The following GSTA2 variants were observed in gnomAD, a reference collection of about 807,000 sequenced individuals.
GSTA2 encodes the protein glutathione S-transferase alpha 2.
A neutral mutation model predicts 22.4 loss-of-function variants in GSTA2; 27 were observed. That is an observed-to-expected ratio of 1.21 (90% CI 0.89 to 1.67). The LOEUF is 1.67. Among genes scored for constraint, GSTA2 ranks in the 40% most tolerant of loss-of-function variants. GSTA2 has a pLI of 0.00. For missense variants in GSTA2, 302 were observed against 260.2 expected (o/e 1.16, Z -1.11); for synonymous variants, 121 against 86.8 (o/e 1.39, Z -2.19).
At chr6:52,756,376 G>T in intron 2 of GSTA2, 67 bp from the exon 3 acceptor site, 1 of 1,224,122 alleles carries the variant, frequency 8.2e-7, no homozygotes, top group Non-Finnish European at 1.2e-6. Flanking sequence ...AAATTGAATG[G>T]CCTCTATCTG....
chr6:52,754,859 C>T (rs1454593357), intron 4 of GSTA2, 84 bp downstream of exon 4: 1 of 1,581,062 alleles, frequency 6.3e-7, no homozygotes, highest in Non-Finnish European at 8.6e-7. Flanking sequence ...GGTCTTGATA[C>T]CCTGCCATGG....
intron 4 of GSTA2, among the ~76,000 whole-genome samples, chr6:52,754,564 A>T (rs1762804948): frequency 1.3e-5 from 2 of 152,144 alleles, no homozygotes; most frequent in Admixed American, 1.3e-4. Flanking sequence ...TTCCCTCCCC[A>T]GTCCTTCATC....
At chr6:52,750,827 C>A in intron 6 of GSTA2, 128 bp from the exon 7 acceptor site, 1 of 1,044,050 alleles carries the variant, frequency 9.6e-7, no homozygotes, top group Non-Finnish European at 1.4e-6. Flanking sequence ...TGGGTGAAGG[C>A]AGAAACAGAC....
intron 2 of GSTA2, 76 bp from the exon 3 acceptor site, chr6:52,756,385 T>C (rs1173936030): frequency 8.8e-7 from 1 of 1,136,056 alleles, no homozygotes; most frequent in Admixed American, 1.7e-5. Context: ...GGCCTCTATC[T>C]GGTGCATCAT....
Position 52,756,413 on chromosome 6 carries a change from T to C in GSTA2, c.88-104A>G, listed in dbSNP as rs968086052. The C allele has an allele frequency of 4.1e-6, 4 of 976,790 alleles. No homozygotes were observed. In the African/African-American group the frequency reaches 4.9e-5, roughly 12 times the overall value. The allele number at this position is 976,790 out of a possible 1,614,324, so 60.5% of individuals were successfully genotyped here. A position where few individuals can be genotyped will look rare whatever the true frequency, so the allele number is the denominator to read the frequency against. On this transcript the variant is annotated intron_variant, in intron 2 of 6. Transcript: ENST00000493422. ...TGCATCATTTGGAGAATATAAGATT[T>C]CTGAGTTTGGCAGGGTACACAGAGG...
chr6:52,756,387 G>C (rs1413835512), intron 2 of GSTA2, 78 bp from the exon 3 acceptor site: 2 of 1,128,596 alleles, frequency 1.8e-6, no homozygotes, highest in Non-Finnish European at 2.7e-6. Flanking sequence ...CCTCTATCTG[G>C]TGCATCATTT....
intron 6 of GSTA2, 37 bp from the exon 7 acceptor site, chr6:52,750,736 A>G (rs1335538850): frequency 6.2e-7 from 1 of 1,608,224 alleles, no homozygotes; most frequent in African/African-American, 1.3e-5. Context: ...TAAAACAACA[A>G]GTCAAGGGCT....
Position 52,757,859 on chromosome 6 carries a change from A to T in GSTA2, c.87+2T>A. ...CTTAAGATGACCTAACTCAGAACCT[A>T]CCTCTACTCCAGCTGCAGCCAGGAG... On this transcript the variant is annotated splice_donor_variant, in intron 2 of 6. Coordinates refer to ENST00000493422, the MANE Select transcript of GSTA2 (RefSeq NM_000846.5). LOFTEE classifies it high-confidence loss of function. 6.2e-7 allele frequency: 1 copy of T among 1,611,892 alleles called. No individual in the cohort carries two copies. Among genetic ancestry groups the T allele is most frequent in the Non-Finnish European group, 8.5e-7 (1 of 1,178,096 alleles).
chr6:52,761,822 C>T (rs1345767070), intron 1 of GSTA2, among the ~76,000 whole-genome samples: 1 of 150,460 alleles, frequency 6.6e-6, no homozygotes. Flanking sequence ...AGGTAGAGGG[C>T]AGGGATGTGT....
chr6:52,755,004 T>C lies in GSTA2; in HGVS notation c.211A>G (p.Ile71Val). Residue 71 changes from isoleucine (I) to valine (V), a missense_variant, in exon 4 of 7, where the codon ATT (isoleucine) becomes GTT (valine). Coordinates refer to ENST00000493422, the MANE Select transcript of GSTA2 (RefSeq NM_000846.5). ...DGMKLVQTRAILNYIASKYNL... is the reference protein window; with the variant it reads ...DGMKLVQTRAVLNYIASKYNL... ...TATTTGCTGGCAATGTAGTTGAGAA[T>C]GGCTCTGGTCTGCACCAGCTTCATC... 2 of 1,614,166 alleles carry C rather than the reference T, an allele frequency of 1.2e-6. No individual in the cohort carries two copies. The highest frequency in any genetic ancestry group is 1.7e-6 in the Non-Finnish European group (2 of 1,180,034).
intron 3 of GSTA2, 35 bp from the exon 4 acceptor site, chr6:52,755,110 T>C (rs756722250): frequency 1.9e-6 from 3 of 1,609,620 alleles, no homozygotes; most frequent in Non-Finnish European, 2.5e-6. Context: ...GAGTGAAGTG[T>C]CTATGAAACC....
chr6:52,758,697 A>G (rs1024332488), intron 1 of GSTA2, among the ~76,000 whole-genome samples: 15 of 152,244 alleles, frequency 9.9e-5, no homozygotes, highest in African/African-American at 3.6e-4. Context: ...TTCAAGAGAC[A>G]GAGATTGTTT....
rs114264491 is a variant in GSTA2 at position 52,750,439 on chromosome 6, T to C, written c.*138A>G. Reference sequence around the variant, plus strand: ...TAACTAAGTGGGTGAATAGGAGTTGTATTATTTAATTAGCATATAATTTGA... The same window carrying C: ...TAACTAAGTGGGTGAATAGGAGTTGCATTATTTAATTAGCATATAATTTGA... On this transcript the variant is annotated 3_prime_UTR_variant, in exon 7 of 7. Coordinates refer to ENST00000493422, the MANE Select transcript of GSTA2 (RefSeq NM_000846.5). The C allele has an allele frequency of 1.0e-3, 770 of 747,942 alleles. 8 individuals carry two copies. In the African/African-American group the frequency reaches 0.012, roughly 12 times the overall value. 46.3% of individuals were successfully genotyped at this position (747,942 alleles called of 1,614,324 possible).
chr6:52,756,256 A>C lies in GSTA2; in HGVS notation c.139+2T>G. On this transcript the variant is annotated splice_donor_variant, in intron 3 of 6. Coordinates refer to ENST00000493422, the MANE Select transcript of GSTA2 (RefSeq NM_000846.5). LOFTEE classifies it high-confidence loss of function. The stretch of plus-strand genomic sequence containing the variant: ...TTAGAGAAACTTAGAGGTTGATCTT[A>C]CCATTTCTTAACTTGTCCAAATCTT... 1.9e-6 allele frequency: 3 copies of C among 1,601,684 alleles called. No individual in the cohort carries two copies. The highest frequency in any genetic ancestry group is 2.6e-6 in the Non-Finnish European group (3 of 1,169,090).
chr6:52,751,664 C>G lies in GSTA2; in HGVS notation c.459G>C (p.Leu153=), dbSNP rs1762741587. 1 of 1,614,168 alleles carries G rather than the reference C, an allele frequency of 6.2e-7. No individual in the cohort carries two copies. Among genetic ancestry groups the G allele is most frequent in the Non-Finnish European group, 8.5e-7 (1 of 1,180,018 alleles). The change falls in exon 6 of 7, where the codon CTG becomes CTC. Residue 153 remains leucine (L), a synonymous_variant. Transcript: ENST00000493422. ...CCACCAGGTGAATGTCAGCCCGGCTCAGCTTGTTGCCAACAAGGTAGTCTT... is the reference window on the plus strand; with the variant it reads ...CCACCAGGTGAATGTCAGCCCGGCTGAGCTTGTTGCCAACAAGGTAGTCTT... ...HGQDYLVGNK[L]SRADIHLVEL... is the part of the protein sequence containing the mutation.
In GSTA2 at chr6:52,750,525, C is replaced by T. The variant is rs540889897; in HGVS notation, c.*52G>A. On this transcript the variant is annotated 3_prime_UTR_variant, in exon 7 of 7. Transcript: ENST00000493422. The stretch of plus-strand genomic sequence containing the variant: ...ACTTAGGTAAAGCACTTAATTGTTG[C>T]AAAACTTTAGAATACTGGTCTTGCA... 7 of 1,595,020 alleles carry T rather than the reference C, an allele frequency of 4.4e-6. No homozygotes were observed. The East Asian group carries it at 8.9e-5, about 20-fold the overall frequency.
At chr6:52,756,895 G>T (rs1370439723) in intron 2 of GSTA2, among the ~76,000 whole-genome samples, 2 of 152,028 alleles carry the variant, frequency 1.3e-5, no homozygotes, top group African/African-American at 2.4e-5. Flanking sequence ...TTTAATAAAG[G>T]AATTAGGGTC....
chr6:52,762,206 G>C (rs577397997), intron 1 of GSTA2, among the ~76,000 whole-genome samples: 1 of 152,008 alleles, frequency 6.6e-6, no homozygotes, highest in East Asian at 1.9e-4. Flanking sequence ...ATATGGCCTC[G>C]TGGGAAGGGA....
chr6:52,751,996 G>A (rs1762746968), intron 5 of GSTA2, among the ~76,000 whole-genome samples: 1 of 152,184 alleles, frequency 6.6e-6, no homozygotes, highest in South Asian at 2.1e-4. Flanking sequence ...CAAGGGCTTA[G>A]CACCTGCCGC....
Sources: gnomAD v4.1 joint callset for allele counts (sites outside exome capture counted in the v4.1 genomes callset) on GRCh38, gnomAD v4.1.1 for gene constraint, MANE v1.5 for transcripts, NCBI Gene and HGNC (gene_info 2026-07-23, HGNC 2026-07-21) for gene names.